The following KSR2 variants were observed in gnomAD, a reference collection of about 807,000 sequenced individuals.
KSR2 encodes kinase suppressor of ras 2.
KSR2 carries 25 observed loss-of-function variants against 107.8 expected under a neutral mutation model. That is an observed-to-expected ratio of 0.23 (90% confidence interval 0.17 to 0.32). KSR2 has a LOEUF of 0.32. Among genes scored for constraint, KSR2 ranks in the 10% least tolerant of loss-of-function variants. The pLI, the probability that KSR2 is intolerant of heterozygous loss-of-function variation, is 1.00. For missense variants in KSR2, 887 were observed against 1,268.9 expected (o/e 0.70, Z 4.57); for synonymous variants, 480 against 507.0 (o/e 0.95, Z 0.71).
chr12:117,964,019 G>C (rs1429091580), intron 1 of KSR2, among the ~76,000 whole-genome samples: 4 of 152,190 alleles, frequency 2.6e-5, no homozygotes, highest in Non-Finnish European at 5.9e-5. Flanking sequence ...GGGTGCAGTG[G>C]CTCACGCCTG....
At chr12:117,809,699 C>T (rs960684658) in intron 3 of KSR2, among the ~76,000 whole-genome samples, 6 of 152,172 alleles carry the variant, frequency 3.9e-5, no homozygotes, top group Admixed American at 2.6e-4. Context: ...CCAGCTTGCA[C>T]GTAAGTCTCA....
intron 14 of KSR2, among the ~76,000 whole-genome samples, chr12:117,513,467 G>C (rs1874163401): frequency 6.6e-6 from 1 of 152,202 alleles, no homozygotes; most frequent in African/African-American, 2.4e-5. Context: ...CAGACACACT[G>C]ATTTTACCCT....
At chr12:117,856,514 T>C (rs1893106996) in intron 2 of KSR2, among the ~76,000 whole-genome samples, 1 of 152,224 alleles carries the variant, frequency 6.6e-6, no homozygotes, top group Admixed American at 6.5e-5. Context: ...CTCGCTCTTG[T>C]TTCCCAGGCT....
intron 1 of KSR2, among the ~76,000 whole-genome samples, chr12:117,883,237 C>T (rs1343311157): frequency 2.0e-5 from 3 of 152,188 alleles, no homozygotes; most frequent in Non-Finnish European, 4.4e-5. Context: ...GCATATCAGG[C>T]CATGCAGAAC....
intron 14 of KSR2, among the ~76,000 whole-genome samples, chr12:117,518,496 T>C (rs188368201): frequency 2.2e-4 from 33 of 152,330 alleles, no homozygotes; most frequent in Admixed American, 1.9e-3. Context: ...CTTGTGCCCT[T>C]TGGCGCTGGG....
intron 4 of KSR2, among the ~76,000 whole-genome samples, chr12:117,683,118 T>C (rs17618923): frequency 0.18 from 26,893 of 152,072 alleles, 2,718 homozygotes; most frequent in East Asian, 0.36. Flanking sequence ...TTCGTTACTT[T>C]TAGACTTGTC....
At chr12:117,913,802 T>C (rs904153791) in intron 1 of KSR2, among the ~76,000 whole-genome samples, 11 of 152,092 alleles carry the variant, frequency 7.2e-5, no homozygotes, top group African/African-American at 2.7e-4. Context: ...CCCAGTTTAG[T>C]ACAGCAGCCC....
intron 4 of KSR2, among the ~76,000 whole-genome samples, chr12:117,675,491 C>T (rs1042598634): frequency 9.9e-5 from 15 of 152,212 alleles, no homozygotes; most frequent in African/African-American, 2.4e-4. Context: ...TGTCAGCCCC[C>T]GGCCACCCTT....
rs1029793269 is a variant in KSR2, at chr12:117,457,998, A to G, written c.*9201T>C. ...TTCCATAGATCTACATGAGTTGCAA[A>G]TTTATATATTTGTGGTTGACTTGCT... On this transcript the variant is annotated 3_prime_UTR_variant, in exon 20 of 20. Transcript: ENST00000339824. 7.9e-5 allele frequency: 12 copies of G among 152,020 alleles called. No individual in the cohort carries two copies. Among genetic ancestry groups the G allele is most frequent in the African/African-American group, 2.2e-4 (9 of 41,370 alleles). 9.4% of individuals were successfully genotyped at this position (152,020 alleles called of 1,614,324 possible).
At chr12:117,885,822 G>A (rs140294063) in intron 1 of KSR2, among the ~76,000 whole-genome samples, 1,592 of 152,060 alleles carry the variant, frequency 0.01, 10 homozygotes, top group Non-Finnish European at 0.016. Context: ...CTGGCCGGGC[G>A]CGGTGGCTCA....
intron 1 of KSR2, among the ~76,000 whole-genome samples, chr12:117,880,663 C>T (rs552134205): frequency 1.3e-5 from 2 of 150,506 alleles, no homozygotes; most frequent in East Asian, 2.0e-4. Context: ...AAGCCGTAAA[C>T]ATCCACTAAC....
chr12:117,783,245 G>A (rs1009056735), intron 3 of KSR2, among the ~76,000 whole-genome samples: 2 of 152,194 alleles, frequency 1.3e-5, no homozygotes, highest in Admixed American at 6.5e-5. Context: ...CATGGATGAA[G>A]GACAAGGTGG....
chr12:117,794,541 C>A (rs1214204559), intron 3 of KSR2, among the ~76,000 whole-genome samples: 1 of 140,086 alleles, frequency 7.1e-6, no homozygotes, highest in Non-Finnish European at 1.5e-5. Context: ...ACACAACATG[C>A]ACACTCAACC....
At chr12:117,921,411 C>A (rs1478670276) in intron 1 of KSR2, among the ~76,000 whole-genome samples, 1 of 150,294 alleles carries the variant, frequency 6.7e-6, no homozygotes, top group East Asian at 1.9e-4. Context: ...TTATAGAGAG[C>A]CTTTTCAAGA....
intron 1 of KSR2, among the ~76,000 whole-genome samples, chr12:117,965,653 T>G (rs140852109): frequency 1.9e-4 from 29 of 152,336 alleles, no homozygotes; most frequent in African/African-American, 6.7e-4. Flanking sequence ...ATTAAAGAGC[T>G]GAAATATCAC....
chr12:117,646,331 C>T (rs796194586), intron 5 of KSR2, among the ~76,000 whole-genome samples: 80 of 152,326 alleles, frequency 5.3e-4, no homozygotes, highest in African/African-American at 1.8e-3. Context: ...CCTATCCAGC[C>T]ATTTCCAGCC....
chr12:117,919,048 G>A (rs759647779), intron 1 of KSR2, among the ~76,000 whole-genome samples: 1 of 152,142 alleles, frequency 6.6e-6, no homozygotes, highest in Non-Finnish European at 1.5e-5. Flanking sequence ...TGAGGCAAGA[G>A]GATCGCTTGA....
At chr12:117,899,920 T>C (rs1391667743) in intron 1 of KSR2, among the ~76,000 whole-genome samples, 1 of 152,118 alleles carries the variant, frequency 6.6e-6, no homozygotes, top group Non-Finnish European at 1.5e-5. Flanking sequence ...CACCGAACAG[T>C]GGTAAGAAGC....
At chr12:117,956,029 T>A (rs1409888175) in intron 1 of KSR2, among the ~76,000 whole-genome samples, 1 of 150,666 alleles carries the variant, frequency 6.6e-6, no homozygotes, top group Non-Finnish European at 1.5e-5. Context: ...GACGGGCGGA[T>A]CATGAGGTCA....
Sources: gnomAD v4.1 joint callset for allele counts (sites outside exome capture counted in the v4.1 genomes callset) on GRCh38, gnomAD v4.1.1 for gene constraint, MANE v1.5 for transcripts, NCBI Gene and HGNC (gene_info 2026-07-23, HGNC 2026-07-21) for gene names.